The following CEP43 variants were observed in gnomAD, a reference collection of about 807,000 sequenced individuals.
CEP43 encodes the protein centrosomal protein 43, also known as FGFR1 oncogene partner.
Under a neutral mutation model 52.6 loss-of-function variants are expected in CEP43, and 36 were observed. The observed-to-expected ratio is 0.68, with a 90% CI of 0.52 to 0.90. The LOEUF is 0.90. CEP43 is among the 40% of genes least tolerant of loss of function. The pLI is 0.00. For missense variants in CEP43, 506 were observed against 472.8 expected (o/e 1.07, Z -0.65); for synonymous variants, 192 against 172.4 (o/e 1.11, Z -0.89).
chr6:167,006,366 T>A (rs1779853947), intron 5 of CEP43, among the ~76,000 whole-genome samples: 1 of 151,908 alleles, frequency 6.6e-6, no homozygotes, highest in Non-Finnish European at 1.5e-5. Flanking sequence ...AATAGAAAAA[T>A]TAGCTGGGCG....
intron 5 of CEP43, among the ~76,000 whole-genome samples, chr6:167,006,255 G>C (rs1779851098): frequency 6.6e-6 from 1 of 152,224 alleles, no homozygotes; most frequent in Non-Finnish European, 1.5e-5. Context: ...GGTAGCTCAT[G>C]CCTGTAATCC....
In CEP43 at chr6:167,000,095, G is replaced by A. The variant is rs755064243; in HGVS notation, c.138G>A (p.Glu46=). ...GAGCAGCTGTGTTTTTAGCACTAGA[G>A]GAGCAAGAAAAAGTAGAGGTATGAA... The part of the protein sequence containing the change: ...ELRAAVFLAL[E]EQEKVENKTP... Residue 46 remains glutamate, a synonymous_variant, in exon 2 of 13, where the codon GAG becomes GAA. Coordinates refer to ENST00000366847, the MANE Select transcript of CEP43 (RefSeq NM_007045.4). 5.6e-6 allele frequency: 9 copies of A among 1,612,446 alleles called. No individual in the cohort carries two copies. Among genetic ancestry groups the A allele is most frequent in the Non-Finnish European group, 7.6e-6 (9 of 1,179,168 alleles).
In CEP43 at chr6:167,009,865, AAT is replaced by A. The variant is rs1408686916; in HGVS notation, c.439-947_439-946del. Among the ~76,000 whole-genome samples, 6 of 151,984 alleles carry A rather than the reference AAT, an allele frequency of 3.9e-5. No homozygotes were observed. In the East Asian group the frequency reaches 1.2e-3, roughly 29 times the overall value. ...AAAAGAAAAATAAAAGAAAGAAAGA[AAT>A]GAATAGATAAAGATGACCTTTTGAG... On this transcript the variant is annotated intron_variant, in intron 5 of 12. Coordinates refer to ENST00000366847, the MANE Select transcript of CEP43 (RefSeq NM_007045.4).
rs1335017271 is a variant in CEP43, at chr6:167,044,595, T to C, written c.*4617T>C. On this transcript the variant is annotated 3_prime_UTR_variant, in exon 13 of 13. Transcript: ENST00000366847. Reference sequence around the variant, plus strand: ...CTCTGAGGTAGGAGGGACAGCGTTTTTGAATGTGAAATTTATTCCCTGATA... The same window carrying C: ...CTCTGAGGTAGGAGGGACAGCGTTTCTGAATGTGAAATTTATTCCCTGATA... 1.0e-6 allele frequency: 1 copy of C among 960,764 alleles called. No individual in the cohort carries two copies. Among genetic ancestry groups the C allele is most frequent in the Non-Finnish European group, 1.2e-6 (1 of 807,656 alleles). 59.5% of individuals were successfully genotyped at this position (960,764 alleles called of 1,614,324 possible).
In CEP43 at chr6:167,040,620, A is replaced by G. The variant is rs1780675753; in HGVS notation, c.*642A>G. On this transcript the variant is annotated 3_prime_UTR_variant, in exon 13 of 13. Transcript: ENST00000366847. Reference sequence around the variant, plus strand: ...TTAAAGAAATCTAGAAGTGGTTATGAGTTTTAATTCATAGAATTGTCAATA... The same window carrying G: ...TTAAAGAAATCTAGAAGTGGTTATGGGTTTTAATTCATAGAATTGTCAATA... 9.6e-7 allele frequency: 1 copy of G among 1,036,790 alleles called. No homozygotes were observed. The highest frequency in any genetic ancestry group is 1.2e-6 in the Non-Finnish European group (1 of 858,796). The allele number at this position is 1,036,790 out of a possible 1,614,324, so 64.2% of individuals were successfully genotyped here. A position where few individuals can be genotyped will look rare whatever the true frequency, so the allele number is the denominator to read the frequency against.
intron 5 of CEP43, among the ~76,000 whole-genome samples, chr6:167,010,367 A>C (rs575274092): frequency 6.6e-6 from 1 of 152,222 alleles, no homozygotes; most frequent in Non-Finnish European, 1.5e-5. Context: ...GTGAACTACT[A>C]TTTGAAGGGG....
rs1398570169 is a variant in CEP43, at chr6:167,049,568, A to G, written c.*9590A>G. 6 of 152,232 alleles carry G rather than the reference A, an allele frequency of 3.9e-5. No homozygotes were observed. Among genetic ancestry groups the G allele is most frequent in the Admixed American group, 3.9e-4 (6 of 15,278 alleles). 9.4% of individuals were successfully genotyped at this position (152,232 alleles called of 1,614,324 possible). ...CTTCATTTATTTTTGTTTCCTAACAATACTCCATTGTAGGGATTGACCACA... is the reference window on the plus strand; with the variant it reads ...CTTCATTTATTTTTGTTTCCTAACAGTACTCCATTGTAGGGATTGACCACA... On this transcript the variant is annotated 3_prime_UTR_variant, in exon 13 of 13. Transcript: ENST00000366847.
At position 166,999,458 on chromosome 6, in the gene CEP43, C is replaced by G. The variant is rs1176491982; in HGVS notation, c.46C>G (p.Leu16Val). Residue 16 changes from leucine to valine, a missense_variant, in exon 1 of 13, where the codon CTG (leucine) becomes GTG (valine). Physicochemically the swap from Leu to Val is conservative, Grantham distance 32. Transcript: ENST00000366847. ...AGTGGTGGCCGAGGAGGACACGGAGCTGCGGGACCTGCTGGTGCAGACGCT... is the reference window on the plus strand; with the variant it reads ...AGTGGTGGCCGAGGAGGACACGGAGGTGCGGGACCTGCTGGTGCAGACGCT... ...AAVVAEEDTE[L>V]RDLLVQTLEN... 3 of 1,484,726 alleles carry G rather than the reference C, an allele frequency of 2.0e-6. No homozygotes were observed. In the South Asian group the frequency reaches 3.9e-5, roughly 19 times the overall value. 92.0% of individuals were successfully genotyped at this position (1,484,726 alleles called of 1,614,324 possible). A position where few individuals can be genotyped will look rare whatever the true frequency, so the allele number is the denominator to read the frequency against.
At chr6:167,030,696 T>C (rs142989737) in intron 10 of CEP43, among the ~76,000 whole-genome samples, 213 of 152,322 alleles carry the variant, frequency 1.4e-3, no homozygotes, top group African/African-American at 4.9e-3. Context: ...CTTTTACCCC[T>C]GTTCTCTTTG....
intron 12 of CEP43, among the ~76,000 whole-genome samples, chr6:167,035,571 G>GTT (rs562051538): frequency 7.9e-5 from 11 of 138,370 alleles, no homozygotes; most frequent in East Asian, 2.1e-4. Flanking sequence ...ACTTTTTTTT[G>GTT]TTTTTTTTTT....
At chr6:167,019,177 A>G (rs1562527992) in intron 7 of CEP43, among the ~76,000 whole-genome samples, 1 of 152,028 alleles carries the variant, frequency 6.6e-6, no homozygotes, top group Non-Finnish European at 1.5e-5. Flanking sequence ...ACTTTGTGAT[A>G]TTTTCACTTG....
chr6:167,041,844 G>GGGGGC lies in CEP43; in HGVS notation c.*1866_*1867insGGGGC. Reference sequence around the variant, plus strand: ...TCTTTTTTTTGCGGGGGGCGGGGGGGACAGAGTCTCACTGTGTCACTCAGA... The same window carrying GGGGGC: ...TCTTTTTTTTGCGGGGGGCGGGGGGGGGGGCACAGAGTCTCACTGTGTCACTCAGA... On this transcript the variant is annotated 3_prime_UTR_variant, in exon 13 of 13. Transcript: ENST00000366847. 4 of 144,928 alleles carry GGGGGC rather than the reference G, an allele frequency of 2.8e-5. No homozygotes were observed. Among genetic ancestry groups the GGGGGC allele is most frequent in the Non-Finnish European group, 5.0e-5 (4 of 80,398 alleles). 9.0% of individuals were successfully genotyped at this position (144,928 alleles called of 1,614,324 possible). A position where few individuals can be genotyped will look rare whatever the true frequency, so the allele number is the denominator to read the frequency against.
At position 167,042,234 on chromosome 6, in the gene CEP43, T is replaced by G; in HGVS notation, c.*2256T>G. The G allele has an allele frequency of 9.9e-7, 1 of 1,006,902 alleles. No homozygotes were observed. Among genetic ancestry groups the G allele is most frequent in the Non-Finnish European group, 1.2e-6 (1 of 841,874 alleles). The allele number at this position is 1,006,902 out of a possible 1,614,324, so 62.4% of individuals were successfully genotyped here. ...TATCAACTTATGAAACTTGAAGATG[T>G]GAAGTGACAGGTTTTGCATGTGATG... On this transcript the variant is annotated 3_prime_UTR_variant, in exon 13 of 13. Transcript: ENST00000366847.
In CEP43 at chr6:167,046,732, A is replaced by G. The variant is rs551328484; in HGVS notation, c.*6754A>G. On this transcript the variant is annotated 3_prime_UTR_variant, in exon 13 of 13. Transcript: ENST00000366847. ...GGGATGGCCTCCACTGTAGAGACCT[A>G]TGTCACCAAGGCCAGGCCCTCTCAG... The G allele has an allele frequency of 5.9e-5, 9 of 152,362 alleles. No homozygotes were observed. The highest frequency in any genetic ancestry group is 2.2e-4 in the African/African-American group (9 of 41,562). The allele number at this position is 152,362 out of a possible 1,614,324, so 9.4% of individuals were successfully genotyped here. A position where few individuals can be genotyped will look rare whatever the true frequency, so the allele number is the denominator to read the frequency against.
intron 12 of CEP43, among the ~76,000 whole-genome samples, chr6:167,038,371 A>G (rs935698983): frequency 3.9e-5 from 6 of 152,248 alleles, no homozygotes; most frequent in East Asian, 1.9e-4. Context: ...GTCGAGTTTG[A>G]TGTTAGAAAC....
At chr6:167,011,174 A>C (rs994839065) in intron 6 of CEP43, among the ~76,000 whole-genome samples, 1 of 152,230 alleles carries the variant, frequency 6.6e-6, no homozygotes, top group African/African-American at 2.4e-5. Flanking sequence ...ATTTTCTCCT[A>C]TTAACAAGGA....
At chr6:167,020,696 G>T (rs534845989) in intron 7 of CEP43, among the ~76,000 whole-genome samples, 5 of 152,244 alleles carry the variant, frequency 3.3e-5, no homozygotes, top group Admixed American at 2.0e-4. Context: ...ATCACTTGAG[G>T]TCAGAAGTTC....
Position 167,009,499 on chromosome 6 carries a change from C to CAAAAAA in CEP43, c.439-1289_439-1284dup, listed in dbSNP as rs139374939. Among the ~76,000 whole-genome samples, 14 of 44,150 alleles carry CAAAAAA rather than the reference C, an allele frequency of 3.2e-4. 1 individual carries two copies. Among genetic ancestry groups the CAAAAAA allele is most frequent in the African/African-American group, 1.4e-3 (13 of 8,976 alleles). 29.0% of individuals were successfully genotyped at this position (44,150 alleles called of 152,430 possible). ...CACTCCACAGAGCGAGACTCTGTCTCAAAAAAAAAAAAAAAAAAAAAAAAA... is the reference window on the plus strand; with the variant it reads ...CACTCCACAGAGCGAGACTCTGTCTCAAAAAAAAAAAAAAAAAAAAAAAAAAAAAAA... On this transcript the variant is annotated intron_variant, in intron 5 of 12. Transcript: ENST00000366847.
chr6:167,041,479 G>T lies in CEP43; in HGVS notation c.*1501G>T. 9.4e-7 allele frequency: 1 copy of T among 1,058,970 alleles called. No individual in the cohort carries two copies. The highest frequency in any genetic ancestry group is 1.1e-6 in the Non-Finnish European group (1 of 875,288). 65.6% of individuals were successfully genotyped at this position (1,058,970 alleles called of 1,614,324 possible). ...GTCTTAGTAAACAGCACCACGTGCA[G>T]ATGTAATCTTGTTGCAGTCCCCCAG... is the stretch of plus-strand genomic sequence containing the variant. On this transcript the variant is annotated 3_prime_UTR_variant, in exon 13 of 13. Coordinates refer to ENST00000366847, the MANE Select transcript of CEP43 (RefSeq NM_007045.4).
Sources: allele counts gnomAD v4.1 joint callset (sites outside exome capture counted in the v4.1 genomes callset), GRCh38; gene constraint gnomAD v4.1.1; transcripts MANE v1.5; gene names NCBI Gene and HGNC (gene_info 2026-07-23, HGNC 2026-07-21).